Variants in PLSCR2 observed in about 807,000 individuals in gnomAD.
The protein encoded by PLSCR2 is phospholipid scramblase 2, also known as PL scramblase 2.
Under a neutral mutation model 25.3 loss-of-function variants are expected in PLSCR2, and 18 were observed. That is an observed-to-expected ratio of 0.71 (90% CI 0.49 to 1.06). The LOEUF (loss-of-function observed/expected upper bound fraction) is 1.06, where lower values mean the gene tolerates loss of function less well. Ranked by LOEUF, PLSCR2 falls within the 50% of genes least tolerant of loss-of-function variation. The probability of loss-of-function intolerance (pLI) is 0.00; values close to 1 mark genes in which losing one functional copy is unlikely to be tolerated. For missense variants in PLSCR2, 243 were observed against 269.5 expected (o/e 0.90, Z 0.69); for synonymous variants, 88 against 87.3 (o/e 1.01, Z -0.04).
At position 146,467,402 on chromosome 3, in the gene PLSCR2, G is replaced by C. The variant is rs149430426; in HGVS notation, c.-292-7118C>G. ...CAGACCTCCCTTGAATATTAATCTA[G>C]TTGAATAATATATTTACATGATATG... On this transcript the variant is annotated intron_variant, in intron 1 of 8. Transcript: ENST00000336685. 1.7e-3 allele frequency among the ~76,000 whole-genome samples: 264 copies of C among 152,062 alleles called. 2 individuals are homozygous for C. The highest frequency in any genetic ancestry group is 6.2e-3 in the African/African-American group (257 of 41,470).
intron 2 of PLSCR2, among the ~76,000 whole-genome samples, chr3:146,422,164 T>G (rs1380933303): frequency 2.0e-5 from 3 of 152,114 alleles, no homozygotes; most frequent in African/African-American, 7.2e-5. Flanking sequence ...CTGAGAGAAC[T>G]TCATTCACAT....
At chr3:146,490,296 G>A (rs1352638409) in intron 1 of PLSCR2, among the ~76,000 whole-genome samples, 1 of 152,212 alleles carries the variant, frequency 6.6e-6, no homozygotes, top group African/African-American at 2.4e-5. Flanking sequence ...AGCTCTCAAG[G>A]CCTGAGAATA....
chr3:146,434,274 G>A (rs1209923351), intron 8 of PLSCR2, among the ~76,000 whole-genome samples: 3 of 152,110 alleles, frequency 2.0e-5, no homozygotes, highest in Non-Finnish European at 4.4e-5. Context: ...CTAAATTGCT[G>A]ATGGGAATTC....
Position 146,447,429 on chromosome 3 carries a change from C to T in PLSCR2, c.645+1777G>A, listed in dbSNP as rs73865718. On this transcript the variant is annotated intron_variant, in intron 6 of 6. Coordinates refer to ENST00000610787, the Ensembl canonical transcript of PLSCR2. Reference sequence around the variant, plus strand: ...CAGCAGGTGATAAATCCTAGCAGGACTGGGTCCTTCTCTTCAAGGCAGCAG... The same window carrying T: ...CAGCAGGTGATAAATCCTAGCAGGATTGGGTCCTTCTCTTCAAGGCAGCAG... Among the ~76,000 whole-genome samples the T allele has an allele frequency of 4.1e-3, 632 of 152,304 alleles. 7 individuals are homozygous for T. The highest frequency in any genetic ancestry group is 0.014 in the African/African-American group (575 of 41,568).
chr3:146,427,407 T>G (rs1195539505), intron 2 of PLSCR2, among the ~76,000 whole-genome samples: 1 of 152,158 alleles, frequency 6.6e-6, no homozygotes, highest in Non-Finnish European at 1.5e-5. Context: ...CAGGAATGGT[T>G]GGAAAGTCTA....
intron 8 of PLSCR2, among the ~76,000 whole-genome samples, chr3:146,436,367 G>T (rs7434147): frequency 0.58 from 87,745 of 151,970 alleles, 25,758 homozygotes; most frequent in South Asian, 0.76. Flanking sequence ...CCTTGGGCAG[G>T]ATGGCCATTT....
At chr3:146,407,579 TGGG>T (rs1201017638) in intron 2 of PLSCR2, among the ~76,000 whole-genome samples, 1 of 152,056 alleles carries the variant, frequency 6.6e-6, no homozygotes, top group Non-Finnish European at 1.5e-5. Context: ...GCTTTGAAAA[TGGG>T]GGATTCTTCT....
downstream of PLSCR2, among the ~76,000 whole-genome samples, chr3:146,440,613 G>A (rs567906427): frequency 6.6e-6 from 1 of 152,192 alleles, no homozygotes; most frequent in Non-Finnish European, 1.5e-5. Context: ...CATTTTCTCA[G>A]TTGGAAAAGC....
intron 2 of PLSCR2, among the ~76,000 whole-genome samples, chr3:146,417,959 T>TG (rs1490100608): frequency 6.6e-6 from 1 of 152,164 alleles, no homozygotes; most frequent in Non-Finnish European, 1.5e-5. Context: ...GTTGCCTTTG[T>TG]GCTGGAGGCT....
intron 2 of PLSCR2, among the ~76,000 whole-genome samples, chr3:146,421,664 C>T (rs1162339812): frequency 1.3e-5 from 2 of 152,038 alleles, no homozygotes; most frequent in Non-Finnish European, 2.9e-5. Context: ...GCCACCACAA[C>T]AATAAACATT....
chr3:146,436,758 C>T (rs983695154), intron 8 of PLSCR2, among the ~76,000 whole-genome samples: 31 of 152,056 alleles, frequency 2.0e-4, no homozygotes, highest in Non-Finnish European at 4.3e-4. Flanking sequence ...TAATGGAATA[C>T]TCTTTATTTC....
At chr3:146,481,018 CAA>C (rs1479286641) in intron 1 of PLSCR2, among the ~76,000 whole-genome samples, 1 of 151,870 alleles carries the variant, frequency 6.6e-6, no homozygotes, top group Non-Finnish European at 1.5e-5. Context: ...AAAAGGCCTT[CAA>C]AAAATTCAAC....
chr3:146,440,844 A>G (rs1219070195), downstream of PLSCR2, among the ~76,000 whole-genome samples: 1 of 152,246 alleles, frequency 6.6e-6, no homozygotes, highest in Non-Finnish European at 1.5e-5. Context: ...GATTTTTGGC[A>G]TAAAATAACC....
intron 1 of PLSCR2, among the ~76,000 whole-genome samples, chr3:146,477,967 C>T (rs765827231): frequency 2.0e-5 from 3 of 152,288 alleles, no homozygotes; most frequent in South Asian, 2.1e-4. Flanking sequence ...AGGCAAACAG[C>T]GTCTGGAGTG....
chr3:146,428,539 G>A (rs2039432653), downstream of PLSCR2, among the ~76,000 whole-genome samples: 1 of 152,186 alleles, frequency 6.6e-6, no homozygotes. Flanking sequence ...TGTGGGAATA[G>A]TAAGTTCAGA....
intron 1 of PLSCR2, among the ~76,000 whole-genome samples, chr3:146,495,378 G>A (rs1214615116): frequency 6.6e-6 from 1 of 152,144 alleles, no homozygotes; most frequent in East Asian, 1.9e-4. Context: ...TGAAGCATCA[G>A]CAAAGTAATA....
At chr3:146,455,251 G>A (rs1248658852) in exon 4 of PLSCR2, 1 of 1,611,972 alleles carries the variant, frequency 6.2e-7, no homozygotes, top group Admixed American at 1.7e-5. Flanking sequence ...CCTGAAGGCA[G>A]CAGGGGCAAC....
downstream of PLSCR2, among the ~76,000 whole-genome samples, chr3:146,438,135 G>C (rs990837834): frequency 4.6e-5 from 7 of 152,004 alleles, no homozygotes; most frequent in Non-Finnish European, 7.4e-5. Flanking sequence ...TGTGGTCTGA[G>C]AGACAGTTTT....
Position 146,479,029 on chromosome 3 carries a change from C to T in PLSCR2, c.-293+16866G>A, listed in dbSNP as rs541978272. Among the ~76,000 whole-genome samples, 19 of 152,250 alleles carry T rather than the reference C, an allele frequency of 1.2e-4. No individual in the cohort carries two copies. The South Asian group carries it at 3.3e-3, about 27-fold the overall frequency. ...AGTAAAGGAGAAATAAAATCGTTTA[C>T]AGACAAATAAATCTTGAGAGATTTT... On this transcript the variant is annotated intron_variant, in intron 1 of 8. Transcript: ENST00000336685.
Sources: gnomAD v4.1 joint callset for allele counts (sites outside exome capture counted in the v4.1 genomes callset) on GRCh38, gnomAD v4.1.1 for gene constraint, MANE v1.5 for transcripts, NCBI Gene and HGNC (gene_info 2026-07-23, HGNC 2026-07-21) for gene names.